CCDC180: variants seen among roughly 807,000 people sequenced by gnomAD.
The protein encoded by CCDC180 is coiled-coil domain containing 180.
In CCDC180, 154 loss-of-function variants were observed where a neutral mutation model predicts 209.2. That is an observed-to-expected ratio of 0.74 (90% confidence interval 0.65 to 0.84). The LOEUF (loss-of-function observed/expected upper bound fraction) is 0.84, where lower values mean the gene tolerates loss of function less well. Ranked by LOEUF, CCDC180 falls within the 40% of genes least tolerant of loss-of-function variation. CCDC180 has a pLI of 0.00. For synonymous variants in CCDC180, 778 were observed against 749.1 expected, an observed-to-expected ratio of 1.04 and a Z score of -0.63; for missense variants, 1,874 against 1,997.3, an observed-to-expected ratio of 0.94 and a Z score of 1.18.
intron 20 of CCDC180, among the ~76,000 whole-genome samples, chr9:97,348,602 G>C (rs867404226): frequency 5.9e-5 from 9 of 152,070 alleles, no homozygotes; most frequent in Admixed American, 2.6e-4. Flanking sequence ...GGGTCGGGGG[G>C]GTCTAGGGAC....
intron 8 of CCDC180, among the ~76,000 whole-genome samples, chr9:97,316,465 G>A (rs10981569): frequency 0.18 from 27,743 of 152,154 alleles, 3,679 homozygotes; most frequent in African/African-American, 0.37. Context: ...TGGGAAATGT[G>A]TGGAGGCATT....
At position 97,314,839 on chromosome 9, in the gene CCDC180, T is replaced by G; in HGVS notation, c.700-12T>G. On this transcript the variant is annotated splice_polypyrimidine_tract_variant and intron_variant, in intron 7 of 36. Transcript: ENST00000529487. ...AAGTGAGCCACTAAGTATGGTGCCTTGTCATTTCTAGCTAAAAAGCGTGTT... is the reference window on the plus strand; with the variant it reads ...AAGTGAGCCACTAAGTATGGTGCCTGGTCATTTCTAGCTAAAAAGCGTGTT... 1 of 1,612,058 alleles carries G rather than the reference T, an allele frequency of 6.2e-7. No individual in the cohort carries two copies. The highest frequency in any genetic ancestry group is 8.5e-7 in the Non-Finnish European group (1 of 1,178,076).
Position 97,330,676 on chromosome 9 carries a change from A to G in CCDC180, c.2183A>G (p.Glu728Gly). The change falls in exon 18 of 37, where the codon GAG becomes GGG. Residue 728 changes from glutamate (E) to glycine (G), a missense_variant. Coordinates refer to ENST00000529487, the MANE Select transcript of CCDC180 (RefSeq NM_020893.6). ...AAGGAGGAGTCAGAGGAGGAAGATG[A>G]GAAGGAGGAAGAGGAGGAGGAGGAG... Reference protein sequence around the residue: ...EKKEESEEEDEKEEEEEEEKL... With the variant: ...EKKEESEEEDGKEEEEEEEKL... The G allele has an allele frequency of 2.5e-6, 4 of 1,572,274 alleles. No homozygotes were observed. The highest frequency in any genetic ancestry group is 3.4e-6 in the Non-Finnish European group (4 of 1,168,886).
At chr9:97,360,589 G>A (rs1482315734) in intron 26 of CCDC180, among the ~76,000 whole-genome samples, 11 of 152,172 alleles carry the variant, frequency 7.2e-5, no homozygotes, top group Admixed American at 1.3e-4. Context: ...CCCTACCCTC[G>A]GGGCAAAGTC....
At chr9:97,361,645 A>G in intron 26 of CCDC180, 81 bp from the exon 27 acceptor site, 2 of 1,439,488 alleles carry the variant, frequency 1.4e-6, no homozygotes, top group East Asian at 2.3e-5. Flanking sequence ...GCAGGGTGGG[A>G]GGGAACATGA....
rs376404326 is a variant in CCDC180, at chr9:97,354,896, A to G, written c.3152A>G (p.Asn1051Ser). ...ACCCTTTATCTCTCTGTACAGGCCA[A>G]TGATGTCATCAACAAGTTTGAAAGC... ...KLENEYLDQA[N>S]DVINKFESKF... The change falls in exon 24 of 37, where the codon AAT becomes AGT. Residue 1051 changes from asparagine (N) to serine (S), a missense_variant. Physicochemically the swap from Asn to Ser is conservative, Grantham distance 46 (BLOSUM62 1). Coordinates refer to ENST00000529487, the MANE Select transcript of CCDC180 (RefSeq NM_020893.6). 8 of 1,611,160 alleles carry G rather than the reference A, an allele frequency of 5.0e-6. No individual in the cohort carries two copies. Among genetic ancestry groups the G allele is most frequent in the East Asian group, 2.2e-5 (1 of 44,890 alleles).
chr9:97,311,656 G>T (rs1452681488), intron 3 of CCDC180, among the ~76,000 whole-genome samples: 1 of 152,162 alleles, frequency 6.6e-6, no homozygotes, highest in East Asian at 1.9e-4. Flanking sequence ...GCATTCTGTG[G>T]TTCCTATAAG....
intron 2 of CCDC180, among the ~76,000 whole-genome samples, 181 bp downstream of exon 2, chr9:97,308,313 A>C (rs914099018): frequency 1.3e-5 from 2 of 152,238 alleles, no homozygotes; most frequent in African/African-American, 4.8e-5. Context: ...TTAGAATGTC[A>C]GTTCTTGAAA....
intron 24 of CCDC180, among the ~76,000 whole-genome samples, chr9:97,357,072 T>G (rs1587825575): frequency 6.6e-6 from 1 of 152,378 alleles, no homozygotes; most frequent in South Asian, 2.1e-4. Flanking sequence ...TTGGTGAATT[T>G]TGCTTCTTGT....
intron 19 of CCDC180, among the ~76,000 whole-genome samples, chr9:97,343,947 G>A (rs1380144323): frequency 6.6e-6 from 1 of 152,134 alleles, no homozygotes; most frequent in Non-Finnish European, 1.5e-5. Flanking sequence ...AATATCTCAT[G>A]TATGGTATTT....
intron 18 of CCDC180, among the ~76,000 whole-genome samples, chr9:97,331,466 G>T (rs1825747424): frequency 6.6e-6 from 1 of 152,174 alleles, no homozygotes; most frequent in Admixed American, 6.5e-5. Context: ...TCAAAAGGTA[G>T]TTCTGTTTTA....
chr9:97,367,905 G>A (rs942005146), intron 31 of CCDC180, among the ~76,000 whole-genome samples: 9 of 152,200 alleles, frequency 5.9e-5, no homozygotes, highest in African/African-American at 2.2e-4. Context: ...GCTCATAGCT[G>A]TGGTTGTTGA....
At chr9:97,344,105 A>G (rs998744083) in intron 19 of CCDC180, among the ~76,000 whole-genome samples, 1 of 152,214 alleles carries the variant, frequency 6.6e-6, no homozygotes, top group Non-Finnish European at 1.5e-5. Flanking sequence ...GAAATGACCC[A>G]TAATCCCACC....
chr9:97,315,013 C>T (rs897155360), intron 8 of CCDC180, 67 bp downstream of exon 8: 1 of 1,232,634 alleles, frequency 8.1e-7, no homozygotes, highest in African/African-American at 1.5e-5. Flanking sequence ...CCCAGGGCAC[C>T]CCGAGCCTGG....
At chr9:97,364,377 AG>A in intron 29 of CCDC180, 1 of 461,474 alleles carries the variant, frequency 2.2e-6, no homozygotes, top group Non-Finnish European at 3.8e-6. Flanking sequence ...GTAGGGCAGG[AG>A]ACCCCATTCG....
intron 31 of CCDC180, among the ~76,000 whole-genome samples, chr9:97,367,805 G>C (rs923825349): frequency 6.6e-6 from 1 of 152,160 alleles, no homozygotes; most frequent in Non-Finnish European, 1.5e-5. Context: ...GTGGACTGCA[G>C]ATATTAATAA....
intron 31 of CCDC180, among the ~76,000 whole-genome samples, chr9:97,367,535 G>A (rs1157075257): frequency 1.3e-5 from 2 of 150,028 alleles, no homozygotes; most frequent in Non-Finnish European, 3.0e-5. Flanking sequence ...GGCACGATCC[G>A]CAATCTCGGC....
Position 97,314,407 on chromosome 9 carries a change from C to T in CCDC180, c.474C>T (p.Leu158=). 3.7e-6 allele frequency: 6 copies of T among 1,614,168 alleles called. No homozygotes were observed. The highest frequency in any genetic ancestry group is 1.3e-5 in the African/African-American group (1 of 75,066). ...IAQVGKEMEP[L]IVDTGGLFLK... Reference sequence around the variant, plus strand: ...GCCTGTTGCAGGAAATGGAACCTCTCATCGTGGACACAGGGGGACTTTTTT... The same window carrying T: ...GCCTGTTGCAGGAAATGGAACCTCTTATCGTGGACACAGGGGGACTTTTTT... Residue 158 remains leucine (L), a synonymous_variant, in exon 6 of 37, where the codon CTC becomes CTT. Coordinates refer to ENST00000529487, the MANE Select transcript of CCDC180 (RefSeq NM_020893.6).
rs1826913775 is a variant in CCDC180 at position 97,366,166 on chromosome 9, C to CGG, written c.4048-391_4048-390dup. Among the ~76,000 whole-genome samples, 1 of 152,236 alleles carries CGG rather than the reference C, an allele frequency of 6.6e-6. No homozygotes were observed. The highest frequency in any genetic ancestry group is 2.1e-4 in the South Asian group (1 of 4,830). On this transcript the variant is annotated intron_variant, in intron 30 of 36. Coordinates refer to ENST00000529487, the MANE Select transcript of CCDC180 (RefSeq NM_020893.6). The surrounding 1 kb of genome is among the most constrained non-coding windows in gnomAD (Gnocchi z 4.3). ...AGTGCCTTCTCCTGTCTGCCTCCCA[C>CGG]GGGTCTGTCTGCCTCCTTCAGGGCA...
Sources: allele counts gnomAD v4.1 joint callset (sites outside exome capture counted in the v4.1 genomes callset), GRCh38; gene constraint gnomAD v4.1.1; non-coding constraint Gnocchi (gnomAD v3.1); transcripts MANE v1.5; gene names NCBI Gene and HGNC (gene_info 2026-07-23, HGNC 2026-07-21).